WTAP: variants seen among roughly 807,000 people sequenced by gnomAD.
The protein encoded by WTAP is WT1 associated protein.
Under a neutral mutation model 50.0 loss-of-function variants are expected in WTAP, and 8 were observed. The observed-to-expected ratio is 0.16, with a 90% CI of 0.09 to 0.29. WTAP has a LOEUF of 0.29. WTAP is among the 10% of genes least tolerant of loss of function. WTAP has a pLI of 1.00. For synonymous variants in WTAP, 194 were observed against 169.0 expected (o/e 1.15, Z -1.15); for missense variants, 295 against 470.7 (o/e 0.63, Z 3.45).
intron 1 of WTAP, among the ~76,000 whole-genome samples, chr6:159,733,500 T>C (rs1778715787): frequency 1.3e-5 from 2 of 152,054 alleles, no homozygotes; most frequent in Non-Finnish European, 2.9e-5. Context: ...CACATGCCTG[T>C]AGTCCCAGGT....
intron 1 of WTAP, among the ~76,000 whole-genome samples, chr6:159,734,832 C>G (rs1302604914): frequency 2.0e-5 from 3 of 151,958 alleles, no homozygotes. Flanking sequence ...CAGGTTAGCT[C>G]TTCATGTCGT....
intron 4 of WTAP, 117 bp from the exon 5 acceptor site, chr6:159,743,548 T>G: frequency 1.0e-6 from 1 of 992,630 alleles, no homozygotes; most frequent in Non-Finnish European, 1.4e-6. Flanking sequence ...ATAAAAGTAG[T>G]TAGGATGGAA....
intron 6 of WTAP, among the ~76,000 whole-genome samples, chr6:159,752,754 T>C (rs1412407330): frequency 3.3e-5 from 5 of 152,200 alleles, no homozygotes; most frequent in Non-Finnish European, 7.3e-5. Context: ...AAAACTTCCC[T>C]CTCTCCTCCT....
intron 3 of WTAP, 50 bp from the exon 4 acceptor site, chr6:159,742,038 T>C: frequency 7.8e-7 from 1 of 1,279,782 alleles, no homozygotes. Flanking sequence ...CTAGTTTATT[T>C]AATAAACTAT....
Position 159,755,723 on chromosome 6 carries a change from G to GTTT in WTAP, c.*119_*121dup. On this transcript the variant is annotated 3_prime_UTR_variant, in exon 8 of 8. Coordinates refer to ENST00000621533, the MANE Select transcript of WTAP (RefSeq NM_001270531.2). ...TGCCTTTTTGTGGGTGTACGTTTTGGTTTTTTTTTGTTGTTTTTTTTCTTT... is the reference window on the plus strand; with the variant it reads ...TGCCTTTTTGTGGGTGTACGTTTTGGTTTTTTTTTTTTGTTGTTTTTTTTCTTT... 1 of 834,880 alleles carries GTTT rather than the reference G, an allele frequency of 1.2e-6. No individual in the cohort carries two copies. 51.7% of individuals were successfully genotyped at this position (834,880 alleles called of 1,614,324 possible).
At chr6:159,738,801 C>T (rs535518875) in intron 2 of WTAP, among the ~76,000 whole-genome samples, 189 bp from the exon 3 acceptor site, 1 of 151,696 alleles carries the variant, frequency 6.6e-6, no homozygotes, top group East Asian at 1.9e-4. Context: ...AATGATGATG[C>T]CCATTGTTAA....
At chr6:159,732,878 A>C (rs1416054833) in intron 1 of WTAP, among the ~76,000 whole-genome samples, 1 of 122,746 alleles carries the variant, frequency 8.1e-6, no homozygotes, top group South Asian at 2.9e-4. Flanking sequence ...CTCTCTGTAT[A>C]TATATATAGT....
At chr6:159,736,164 CTAAT>C (rs1299954988) in intron 1 of WTAP, 90 bp from the exon 2 acceptor site, 2 of 1,206,064 alleles carry the variant, frequency 1.7e-6, no homozygotes, top group Non-Finnish European at 2.4e-6. Context: ...ATTTAGTTCA[CTAAT>C]AAATTGATTT....
rs2114964987 is a variant in WTAP at position 159,756,275 on chromosome 6, T to C, written c.*664T>C. On this transcript the variant is annotated 3_prime_UTR_variant, in exon 8 of 8. Coordinates refer to ENST00000621533, the MANE Select transcript of WTAP (RefSeq NM_001270531.2). ...CTCTGTGACTCCAGTATATCTTACC[T>C]GTACTGACCAAACCTAAATAAAGAT... is the stretch of plus-strand genomic sequence containing the variant. 6.5e-6 allele frequency: 1 copy of C among 152,792 alleles called. No homozygotes were observed. Among genetic ancestry groups the C allele is most frequent in the African/African-American group, 2.4e-5 (1 of 41,580 alleles). 9.5% of individuals were successfully genotyped at this position (152,792 alleles called of 1,614,324 possible).
At chr6:159,739,595 G>T (rs1269187525) in intron 3 of WTAP, among the ~76,000 whole-genome samples, 1 of 152,170 alleles carries the variant, frequency 6.6e-6, no homozygotes, top group Non-Finnish European at 1.5e-5. Flanking sequence ...GAAGTAGGAT[G>T]TTCTGTGTTT....
At chr6:159,728,440 A>G (rs957228593) in intron 1 of WTAP, among the ~76,000 whole-genome samples, 2 of 149,112 alleles carry the variant, frequency 1.3e-5, no homozygotes, top group African/African-American at 4.9e-5. Context: ...CAAAAAAACT[A>G]TTATTTAGTC....
intron 1 of WTAP, among the ~76,000 whole-genome samples, chr6:159,735,203 C>A (rs1778830628): frequency 6.6e-6 from 1 of 152,098 alleles, no homozygotes; most frequent in Non-Finnish European, 1.5e-5. Flanking sequence ...CAGTGGCGCG[C>A]CATCTCGGCT....
In WTAP at chr6:159,755,653, G is replaced by T; in HGVS notation, c.*42G>T. 6.6e-7 allele frequency: 1 copy of T among 1,517,578 alleles called. No homozygotes were observed. The highest frequency in any genetic ancestry group is 1.3e-5 in the South Asian group (1 of 76,244). The allele number at this position is 1,517,578 out of a possible 1,614,324, so 94.0% of individuals were successfully genotyped here. A position where few individuals can be genotyped will look rare whatever the true frequency, so the allele number is the denominator to read the frequency against. On this transcript the variant is annotated 3_prime_UTR_variant, in exon 8 of 8. Coordinates refer to ENST00000621533, the MANE Select transcript of WTAP (RefSeq NM_001270531.2). ...TTTTATACAGTGTCATTTAATTTGG[G>T]AGAGGATACTGTCCAGAAAATTAAT...
At chr6:159,745,047 C>G (rs1472504212) in intron 5 of WTAP, 2 of 152,206 alleles carry the variant, frequency 1.3e-5, no homozygotes, top group Non-Finnish European at 2.9e-5. Flanking sequence ...TGTTGTAATT[C>G]TTACCACCAC....
Position 159,727,681 on chromosome 6 carries a change from C to G in WTAP, c.-31C>G. The stretch of plus-strand genomic sequence containing the variant: ...CCTCGGCCTATGCGACCGGTGGCGC[C>G]GGCGCGGCTTCTGCCTGGAGAGGTA... On this transcript the variant is annotated 5_prime_UTR_variant, in exon 1 of 8. Transcript: ENST00000621533. 1 of 984,256 alleles carries G rather than the reference C, an allele frequency of 1.0e-6. No individual in the cohort carries two copies. Among genetic ancestry groups the G allele is most frequent in the Non-Finnish European group, 1.2e-6 (1 of 829,806 alleles). The allele number at this position is 984,256 out of a possible 1,614,324, so 61.0% of individuals were successfully genotyped here. A position where few individuals can be genotyped will look rare whatever the true frequency, so the allele number is the denominator to read the frequency against.
At chr6:159,727,048 T>G (rs991655083), upstream of WTAP, 132 of 1,220,176 alleles carry the variant, frequency 1.1e-4, no homozygotes, top group Middle Eastern at 3.5e-4. Flanking sequence ...CGGCGAGTAC[T>G]TCCACCTTCC....
In WTAP at chr6:159,736,292, G is replaced by A. The variant is rs1304778174; in HGVS notation, c.27G>A (p.Lys9=). Residue 9 remains lysine (K), a synonymous_variant, in exon 2 of 8, where the codon AAG becomes AAA. Transcript: ENST00000621533. ...TGACCAACGAAGAACCTCTTCCCAA[G>A]AAGGTATGGGTTTTGGTTTTGGGTT... The part of the protein sequence containing the change: MTNEEPLP[K]KVRLSETDFK... The A allele has an allele frequency of 6.2e-7, 1 of 1,604,436 alleles. No homozygotes were observed. Among genetic ancestry groups the A allele is most frequent in the East Asian group, 2.2e-5 (1 of 44,674 alleles).
At position 159,748,299 on chromosome 6, in the gene WTAP, C is replaced by G; in HGVS notation, c.382C>G (p.Leu128Val). The G allele has an allele frequency of 2.5e-6, 4 of 1,614,040 alleles. 1 individual carries two copies. Among genetic ancestry groups the G allele is most frequent in the South Asian group, 2.2e-5 (2 of 91,082 alleles). Residue 128 changes from leucine to valine, a missense_variant, in exon 6 of 8, where the codon CTG (leucine) becomes GTG (valine). Physicochemically the swap from Leu to Val is conservative, Grantham distance 32. Coordinates refer to ENST00000621533, the MANE Select transcript of WTAP (RefSeq NM_001270531.2). This position sits in a 1 kb window ranked among gnomAD's most constrained non-coding sequence, Gnocchi z 5.6. ...NLFFLKMKGE[L>V]EQTKDKLEQA... ...GTTTTTCCTAAAAATGAAAGGTGAA[C>G]TGGAACAGACTAAAGACAAACTGGA...
chr6:159,730,344 C>G (rs1778491057), intron 1 of WTAP, among the ~76,000 whole-genome samples: 1 of 152,054 alleles, frequency 6.6e-6, no homozygotes, highest in African/African-American at 2.4e-5. Flanking sequence ...TTCTGTTTTT[C>G]TGATACGAGA....
Sources: gnomAD v4.1 joint callset for allele counts (sites outside exome capture counted in the v4.1 genomes callset) on GRCh38, gnomAD v4.1.1 for gene constraint, Gnocchi (gnomAD v3.1) non-coding constraint, MANE v1.5 for transcripts, NCBI Gene and HGNC (gene_info 2026-07-23, HGNC 2026-07-21) for gene names.